The following SLC67A1 variants were observed in gnomAD, a reference collection of about 807,000 sequenced individuals.
SLC67A1 encodes solute carrier family 67 member 1.
At chr11:2,904,639 C>G in the SLC67A1 span, among the ~76,000 whole-genome samples, 46 of 152,348 alleles carry the variant, frequency 3.0e-4, no homozygotes, top group East Asian at 8.3e-3. Context: ...GGAGTAACTC[C>G]GTGCTGAGTG....
At chr11:2,922,374 C>T in the SLC67A1 span, 15 of 1,586,044 alleles carry the variant, frequency 9.5e-6, no homozygotes, top group East Asian at 3.0e-4. Flanking sequence ...CAGGTAAGAC[C>T]CCAGAGAGGA....
At chr11:2,908,355 C>A in the SLC67A1 span, 25 of 1,555,038 alleles carry the variant, frequency 1.6e-5, no homozygotes, top group Non-Finnish European at 1.8e-6. Flanking sequence ...TGTACAGGGG[C>A]TCTCCCCACA....
chr11:2,923,934 C>T, the SLC67A1 span, among the ~76,000 whole-genome samples: 3 of 152,330 alleles, frequency 2.0e-5, no homozygotes, highest in East Asian at 1.9e-4. The surrounding 1 kb of genome is among the most constrained non-coding windows in gnomAD (Gnocchi z 6.5). Flanking sequence ...ATGCTGGGCC[C>T]TGAGCCCAGG....
chr11:2,917,345 T>C, the SLC67A1 span, among the ~76,000 whole-genome samples: 4 of 152,166 alleles, frequency 2.6e-5, no homozygotes, highest in South Asian at 8.3e-4. Context: ...CCTGGGACCA[T>C]CCTGGGGCAG....
the SLC67A1 span, among the ~76,000 whole-genome samples, chr11:2,901,662 G>A: frequency 6.6e-6 from 1 of 152,212 alleles, no homozygotes. Flanking sequence ...CATCTCTGGT[G>A]GCCCCTGCAA....
the SLC67A1 span, chr11:2,925,200 G>A: frequency 2.0e-5 from 33 of 1,611,424 alleles, no homozygotes; most frequent in African/African-American, 6.7e-5. The surrounding 1 kb of genome is among the most constrained non-coding windows in gnomAD (Gnocchi z 6.5). Flanking sequence ...TCCGGTGACC[G>A]CTGCCCAGAC....
At chr11:2,913,683 A>C in the SLC67A1 span, among the ~76,000 whole-genome samples, 1 of 152,162 alleles carries the variant, frequency 6.6e-6, no homozygotes, top group Non-Finnish European at 1.5e-5. Flanking sequence ...CCCCTGCCCC[A>C]TCGTCTTGTG....
At chr11:2,910,965 C>T in the SLC67A1 span, among the ~76,000 whole-genome samples, 2 of 152,138 alleles carry the variant, frequency 1.3e-5, no homozygotes, top group Admixed American at 6.5e-5. Context: ...CGGAGCCCTG[C>T]GCCCCCCAGC....
At chr11:2,925,115 A>G in the SLC67A1 span, 2 of 1,613,900 alleles carry the variant, frequency 1.2e-6, no homozygotes, top group Non-Finnish European at 1.7e-6. The surrounding 1 kb of genome is among the most constrained non-coding windows in gnomAD (Gnocchi z 6.5). Context: ...GTCTTCGGCC[A>G]CGTGCAGGTT....
chr11:2,923,938 G>A, the SLC67A1 span, among the ~76,000 whole-genome samples: 6 of 152,320 alleles, frequency 3.9e-5, no homozygotes, highest in South Asian at 8.3e-4. The surrounding 1 kb of genome is among the most constrained non-coding windows in gnomAD (Gnocchi z 6.5). Flanking sequence ...TGGGCCCTGA[G>A]CCCAGGTGGG....
chr11:2,920,551 A>G, the SLC67A1 span: 2 of 152,348 alleles, frequency 1.3e-5, no homozygotes, highest in African/African-American at 4.8e-5. Flanking sequence ...GTGGTGACCA[A>G]CACCGTCGGG....
the SLC67A1 span, chr11:2,903,665 C>A: frequency 1.5e-6 from 1 of 671,966 alleles, no homozygotes; most frequent in African/African-American, 1.8e-5. Flanking sequence ...TGCCTCTGGA[C>A]CCCCGTCAGC....
chr11:2,916,461 C>G, the SLC67A1 span: 28 of 617,488 alleles, frequency 4.5e-5, 1 homozygote, highest in Non-Finnish European at 6.3e-5. Context: ...TAAATGTGCT[C>G]TGAGGGTCCC....
At chr11:2,900,821 C>T in the SLC67A1 span, among the ~76,000 whole-genome samples, 3 of 152,166 alleles carry the variant, frequency 2.0e-5, no homozygotes, top group South Asian at 2.1e-4. Flanking sequence ...GCTCCTGGAC[C>T]GCAAGGGGAA....
the SLC67A1 span, among the ~76,000 whole-genome samples, chr11:2,917,611 C>G: frequency 6.6e-6 from 1 of 152,242 alleles, no homozygotes; most frequent in African/African-American, 2.4e-5. Context: ...TGGTCATGCT[C>G]TGCCCCAGGC....
At chr11:2,911,013 C>A in the SLC67A1 span, among the ~76,000 whole-genome samples, 7 of 152,076 alleles carry the variant, frequency 4.6e-5, no homozygotes, top group Non-Finnish European at 1.0e-4. Flanking sequence ...GGAGGGAGCA[C>A]GTCCTGGGAG....
chr11:2,917,048 G>GGGAAGGT, the SLC67A1 span: 2 of 356,182 alleles, frequency 5.6e-6, no homozygotes, highest in Non-Finnish European at 1.0e-5. Flanking sequence ...GGCCCAGAGA[G>GGGAAGGT]GCCTGGGGAG....
the SLC67A1 span, among the ~76,000 whole-genome samples, chr11:2,901,989 G>A: frequency 6.6e-6 from 1 of 152,150 alleles, no homozygotes; most frequent in East Asian, 1.9e-4. Flanking sequence ...GCCCAAAGTG[G>A]ACACCGGTGC....
the SLC67A1 span, chr11:2,908,123 CA>C: frequency 1.4e-6 from 1 of 706,856 alleles, no homozygotes; most frequent in South Asian, 1.7e-5. Context: ...GTGCAGTCAA[CA>C]GAACCCAGGC....
Sources: allele counts gnomAD v4.1 joint callset (sites outside exome capture counted in the v4.1 genomes callset), GRCh38; gene constraint gnomAD v4.1.1; non-coding constraint Gnocchi (gnomAD v3.1); transcripts MANE v1.5; gene names NCBI Gene and HGNC (gene_info 2026-07-23, HGNC 2026-07-21).